DLG2: variants seen among roughly 807,000 people sequenced by gnomAD.
DLG2 encodes discs large MAGUK scaffold protein 2, also known as disks large homolog 2.
DLG2 carries 45 observed loss-of-function variants against 132.5 expected under a neutral mutation model. The observed-to-expected ratio is 0.34, with a 90% CI of 0.27 to 0.44. The LOEUF is 0.44. Ranked by LOEUF, DLG2 falls within the 20% of genes least tolerant of loss-of-function variation. The probability of loss-of-function intolerance (pLI) is 1.00; values close to 1 mark genes in which losing one functional copy is unlikely to be tolerated. For synonymous variants in DLG2, 424 were observed against 419.6 expected (o/e 1.01, Z -0.13); for missense variants, 1,045 against 1,196.9 (o/e 0.87, Z 1.87).
intron 6 of DLG2, among the ~76,000 whole-genome samples, chr11:84,713,433 G>C (rs2060664816): frequency 6.6e-6 from 1 of 152,104 alleles, no homozygotes; most frequent in Non-Finnish European, 1.5e-5. Context: ...GTGTGTGTAT[G>C]TATTGAGAGA....
chr11:85,520,309 T>C (rs1247516553), intron 3 of DLG2, among the ~76,000 whole-genome samples: 2 of 151,902 alleles, frequency 1.3e-5, no homozygotes, highest in Non-Finnish European at 2.9e-5. Context: ...ATCTCTATAA[T>C]GAGAACGATA....
intron 9 of DLG2, among the ~76,000 whole-genome samples, chr11:84,115,188 C>T (rs983327783): frequency 2.6e-5 from 4 of 152,196 alleles, no homozygotes; most frequent in African/African-American, 9.7e-5. Context: ...AAGATTAGAA[C>T]TTATTTGACC....
At chr11:84,557,896 G>T (rs2099415141) in intron 6 of DLG2, among the ~76,000 whole-genome samples, 1 of 152,022 alleles carries the variant, frequency 6.6e-6, no homozygotes, top group South Asian at 2.1e-4. Context: ...TTACTACAAA[G>T]TAGTTGTATT....
intron 7 of DLG2, among the ~76,000 whole-genome samples, chr11:84,531,178 C>T (rs2099338591): frequency 6.6e-6 from 1 of 152,116 alleles, no homozygotes; most frequent in Non-Finnish European, 1.5e-5. Flanking sequence ...TTTGCAGTAA[C>T]ATAGATGGAG....
intron 6 of DLG2, among the ~76,000 whole-genome samples, chr11:84,908,922 G>A (rs1469774604): frequency 1.3e-5 from 2 of 151,630 alleles, no homozygotes; most frequent in African/African-American, 4.8e-5. Flanking sequence ...AAGAAACAAA[G>A]GCTAAGACTG....
At chr11:84,044,316 C>T (rs11233887) in intron 11 of DLG2, among the ~76,000 whole-genome samples, 15,500 of 151,780 alleles carry the variant, frequency 0.1, 1,067 homozygotes, top group African/African-American at 0.19. Flanking sequence ...TTGATTGCGG[C>T]ATTCTTACAG....
At chr11:85,078,135 A>G (rs1383728809) in intron 6 of DLG2, among the ~76,000 whole-genome samples, 7 of 151,198 alleles carry the variant, frequency 4.6e-5, no homozygotes, top group African/African-American at 1.7e-4. Flanking sequence ...GCAAAACAAT[A>G]TATCAAATCA....
At chr11:83,967,315 T>C (rs908707121) in intron 12 of DLG2, among the ~76,000 whole-genome samples, 6 of 152,060 alleles carry the variant, frequency 3.9e-5, no homozygotes, top group Non-Finnish European at 8.8e-5. Context: ...CTGCATACTG[T>C]TTTCCATAAT....
chr11:83,786,386 T>C (rs148096583), intron 18 of DLG2: 26 of 268,092 alleles, frequency 9.7e-5, no homozygotes, highest in African/African-American at 5.2e-4. Context: ...GTTTTTACAG[T>C]ATCCATTGGT....
At chr11:84,222,251 C>T (rs1374670571) in intron 8 of DLG2, among the ~76,000 whole-genome samples, 6 of 152,068 alleles carry the variant, frequency 3.9e-5, no homozygotes, top group Non-Finnish European at 8.8e-5. Context: ...AGTCTGATCT[C>T]GAACTCCTGT....
intron 9 of DLG2, among the ~76,000 whole-genome samples, chr11:84,126,007 C>T (rs898032388): frequency 1.3e-5 from 2 of 152,058 alleles, no homozygotes; most frequent in African/African-American, 2.4e-5. Context: ...ATAAAATCAG[C>T]TATTGAAAGT....
At chr11:85,414,249 G>T (rs1179386758) in intron 3 of DLG2, among the ~76,000 whole-genome samples, 1 of 151,976 alleles carries the variant, frequency 6.6e-6, no homozygotes, top group Non-Finnish European at 1.5e-5. Flanking sequence ...CATTAATTTT[G>T]TTTTCTGAAA....
intron 3 of DLG2, among the ~76,000 whole-genome samples, chr11:85,461,954 A>G (rs2092628917): frequency 6.6e-6 from 1 of 152,232 alleles, no homozygotes; most frequent in Admixed American, 6.5e-5. Flanking sequence ...ACAAATTTAC[A>G]AGAAAAAAAC....
At chr11:85,018,973 A>G (rs1381227470) in intron 6 of DLG2, among the ~76,000 whole-genome samples, 1 of 152,186 alleles carries the variant, frequency 6.6e-6, no homozygotes, top group Non-Finnish European at 1.5e-5. Flanking sequence ...ATTCACAGAA[A>G]TACATTGTAA....
intron 6 of DLG2, among the ~76,000 whole-genome samples, chr11:84,859,423 TATAC>T (rs2083303160): frequency 1.4e-5 from 2 of 145,378 alleles, no homozygotes; most frequent in African/African-American, 5.1e-5. Context: ...TATGTATACA[TATAC>T]ATATATATGT....
At chr11:85,248,741 T>A (rs1461402686) in intron 4 of DLG2, among the ~76,000 whole-genome samples, 2 of 152,014 alleles carry the variant, frequency 1.3e-5, no homozygotes, top group African/African-American at 4.8e-5. Flanking sequence ...CAAGTGAAAA[T>A]ATCAGAAAGT....
chr11:84,900,443 T>C (rs1266918453), intron 6 of DLG2, among the ~76,000 whole-genome samples: 2 of 152,052 alleles, frequency 1.3e-5, no homozygotes, highest in African/African-American at 4.8e-5. Context: ...CAAGATACTT[T>C]TACTCTTTTG....
At chr11:85,577,729 C>T (rs1565708910) in intron 3 of DLG2, among the ~76,000 whole-genome samples, 2 of 151,846 alleles carry the variant, frequency 1.3e-5, no homozygotes, top group Non-Finnish European at 2.9e-5. Flanking sequence ...GTAAGGAAAT[C>T]AGAGATTACA....
chr11:85,039,211 G>A (rs2061646908), intron 6 of DLG2, among the ~76,000 whole-genome samples: 2 of 137,944 alleles, frequency 1.4e-5, no homozygotes, highest in Admixed American at 1.5e-4. Context: ...TTTTCTTCCT[G>A]TAATTGGTCC....
Sources: allele counts gnomAD v4.1 joint callset (sites outside exome capture counted in the v4.1 genomes callset), GRCh38; gene constraint gnomAD v4.1.1; transcripts MANE v1.5; gene names NCBI Gene and HGNC (gene_info 2026-07-23, HGNC 2026-07-21).